GRM7: variants seen among roughly 807,000 people sequenced by gnomAD.
GRM7 encodes metabotropic glutamate receptor 7.
Under a neutral mutation model 84.5 loss-of-function variants are expected in GRM7, and 35 were observed. That is an observed-to-expected ratio of 0.41 (90% CI 0.32 to 0.55). The LOEUF is 0.55. GRM7 is among the 20% of genes least tolerant of loss of function. The probability of loss-of-function intolerance (pLI) is 0.19; values close to 1 mark genes in which losing one functional copy is unlikely to be tolerated. For missense variants in GRM7, 1,003 were observed against 1,194.6 expected (o/e 0.84, Z 2.36); for synonymous variants, 487 against 455.1 (o/e 1.07, Z -0.89).
chr3:7,039,057 C>A (rs1696493978), intron 1 of GRM7, among the ~76,000 whole-genome samples: 1 of 152,164 alleles, frequency 6.6e-6, no homozygotes, highest in African/African-American at 2.4e-5. Flanking sequence ...CATCCTGATG[C>A]ATGGTCAAGT....
chr3:7,643,250 G>C (rs948785794), intron 8 of GRM7, among the ~76,000 whole-genome samples: 11 of 150,614 alleles, frequency 7.3e-5, no homozygotes, highest in Non-Finnish European at 1.5e-5. Context: ...ATGATCTTAA[G>C]CATATTTCTT....
At chr3:7,258,714 G>T (rs1698299934) in intron 2 of GRM7, among the ~76,000 whole-genome samples, 1 of 152,200 alleles carries the variant, frequency 6.6e-6, no homozygotes. Context: ...GGTTTAAATA[G>T]TAGGCCTAGG....
At chr3:7,566,960 C>A (rs969426128) in intron 7 of GRM7, among the ~76,000 whole-genome samples, 3 of 152,152 alleles carry the variant, frequency 2.0e-5, no homozygotes, top group Non-Finnish European at 4.4e-5. Flanking sequence ...GAACCTCCCT[C>A]ATAATTTTTT....
At chr3:7,692,212 G>A (rs943638357) in intron 9 of GRM7, among the ~76,000 whole-genome samples, 13 of 152,192 alleles carry the variant, frequency 8.5e-5, no homozygotes, top group Non-Finnish European at 1.8e-4. Flanking sequence ...CTATGGGACA[G>A]ATAGGCTCAT....
intron 1 of GRM7, among the ~76,000 whole-genome samples, chr3:7,029,324 A>C (rs200468922): frequency 6.2e-4 from 94 of 151,592 alleles, no homozygotes; most frequent in South Asian, 8.4e-4. Context: ...ACAAAAAAAA[A>C]AAACAAACAA....
intron 1 of GRM7, among the ~76,000 whole-genome samples, chr3:6,926,711 C>T (rs77803836): frequency 0.045 from 6,887 of 152,230 alleles, 175 homozygotes; most frequent in African/African-American, 0.048. Flanking sequence ...AACCACCCCT[C>T]GGGTTGAGTT....
intron 1 of GRM7, among the ~76,000 whole-genome samples, chr3:7,080,768 C>T (rs1490185331): frequency 6.6e-6 from 1 of 151,808 alleles, no homozygotes; most frequent in Non-Finnish European, 1.5e-5. Flanking sequence ...ATATGACATA[C>T]ATATATGGCA....
rs151115291 is a variant in GRM7, at chr3:7,523,241, G to A, written c.1516-55181G>A. On this transcript the variant is annotated intron_variant, in intron 7 of 9. Coordinates refer to ENST00000357716, the MANE Select transcript of GRM7 (RefSeq NM_000844.4). ...ACTATCATCATTTGTCTCACATTGT[G>A]CCTTTCAACAAAAAGATCAGAAAAG... Among the ~76,000 whole-genome samples, 140 of 152,146 alleles carry A rather than the reference G, an allele frequency of 9.2e-4. 1 individual carries two copies. Among genetic ancestry groups the A allele is most frequent in the Admixed American group, 4.5e-3 (69 of 15,266 alleles).
chr3:7,571,051 A>T (rs537242052), intron 7 of GRM7, among the ~76,000 whole-genome samples: 2 of 152,162 alleles, frequency 1.3e-5, no homozygotes, highest in African/African-American at 4.8e-5. Context: ...CAGTGCACCA[A>T]TTTCCTATGC....
At chr3:7,359,391 G>C (rs892775015) in intron 4 of GRM7, among the ~76,000 whole-genome samples, 2 of 136,068 alleles carry the variant, frequency 1.5e-5, no homozygotes, top group Middle Eastern at 3.5e-3. Context: ...CTGGAGTGCA[G>C]TGGCACAATT....
chr3:7,147,384 G>A (rs1198917266), intron 2 of GRM7, among the ~76,000 whole-genome samples: 4 of 152,070 alleles, frequency 2.6e-5, no homozygotes, highest in Admixed American at 2.0e-4. Flanking sequence ...TGGATGTATT[G>A]GATATGGTAA....
intron 2 of GRM7, among the ~76,000 whole-genome samples, chr3:7,234,668 T>C (rs1336511766): frequency 2.0e-5 from 3 of 152,192 alleles, no homozygotes; most frequent in Non-Finnish European, 2.9e-5. Flanking sequence ...GATATTTTTC[T>C]GGCAACACCC....
chr3:7,379,882 G>T (rs974202716), intron 4 of GRM7, among the ~76,000 whole-genome samples: 3 of 152,058 alleles, frequency 2.0e-5, no homozygotes, highest in African/African-American at 7.2e-5. Context: ...TTCCTTACCT[G>T]CTTCCTCAGG....
intron 1 of GRM7, among the ~76,000 whole-genome samples, chr3:7,052,448 C>T (rs1697042552): frequency 6.6e-6 from 1 of 151,550 alleles, no homozygotes; most frequent in Admixed American, 6.6e-5. Context: ...GTGCAATCCT[C>T]TTGTTTTAAA....
At chr3:7,319,868 G>A (rs1375867239) in intron 4 of GRM7, among the ~76,000 whole-genome samples, 2 of 151,844 alleles carry the variant, frequency 1.3e-5, no homozygotes, top group African/African-American at 4.8e-5. Context: ...AATTAGCATA[G>A]ACTAAGATAT....
intron 9 of GRM7, among the ~76,000 whole-genome samples, chr3:7,696,637 G>A (rs1701031317): frequency 6.6e-6 from 1 of 152,172 alleles, no homozygotes; most frequent in South Asian, 2.1e-4. Context: ...AGATTCGGTT[G>A]TCAGCTGGAA....
rs2125021813 is a variant in GRM7 at position 7,298,836 on chromosome 3, C to T, written c.878+11C>T. 6.2e-7 allele frequency: 1 copy of T among 1,610,874 alleles called. No homozygotes were observed. The highest frequency in any genetic ancestry group is 2.2e-5 in the East Asian group (1 of 44,820). Reference sequence around the variant, plus strand: ...CGATGAGGATATAAAGTAAGAATAACTGGTGACAATTGTTAATATGCATGT... The same window carrying T: ...CGATGAGGATATAAAGTAAGAATAATTGGTGACAATTGTTAATATGCATGT... On this transcript the variant is annotated intron_variant, in intron 3 of 9. Coordinates refer to ENST00000357716, the MANE Select transcript of GRM7 (RefSeq NM_000844.4).
intron 2 of GRM7, among the ~76,000 whole-genome samples, chr3:7,213,464 G>A (rs945982264): frequency 1.3e-5 from 2 of 152,130 alleles, no homozygotes; most frequent in African/African-American, 4.8e-5. Context: ...TGAAGCTCAG[G>A]GATGTTAATT....
chr3:7,521,279 C>T (rs1005614095), intron 7 of GRM7, among the ~76,000 whole-genome samples: 5 of 152,270 alleles, frequency 3.3e-5, no homozygotes, highest in Middle Eastern at 3.4e-3. Context: ...CAGGTAAAAC[C>T]GCAGTTCTTG....
Sources: allele counts gnomAD v4.1 joint callset (sites outside exome capture counted in the v4.1 genomes callset), GRCh38; gene constraint gnomAD v4.1.1; transcripts MANE v1.5; gene names NCBI Gene and HGNC (gene_info 2026-07-23, HGNC 2026-07-21).